Variants in B4GALNT3 observed in about 807,000 individuals in gnomAD.
The protein encoded by B4GALNT3 is beta-1,4-N-acetylgalactosaminyltransferase 3.
B4GALNT3 carries 86 observed loss-of-function variants against 120.2 expected under a neutral mutation model. That is an observed-to-expected ratio of 0.72 (90% CI 0.60 to 0.86). The LOEUF is 0.86. Among genes scored for constraint, B4GALNT3 ranks in the 40% least tolerant of loss-of-function variants. B4GALNT3 has a pLI of 0.00. For missense variants in B4GALNT3, 1,167 were observed against 1,298.9 expected, an observed-to-expected ratio of 0.90 and a Z score of 1.56; for synonymous variants, 518 against 510.4, an observed-to-expected ratio of 1.01 and a Z score of -0.20.
chr12:510,502 G>GGAGGGAGTTGGCTGGGCTGGGA (rs556557465), intron 1 of B4GALNT3, among the ~76,000 whole-genome samples: 1 of 147,364 alleles, frequency 6.8e-6, no homozygotes, highest in African/African-American at 2.5e-5. Flanking sequence ...GGAGGGAAAC[G>GGAGGGAGTTGGCTGGGCTGGGA]GGCCCTTTCA....
chr12:495,665 G>A (rs940221671), intron 1 of B4GALNT3, among the ~76,000 whole-genome samples: 9 of 152,140 alleles, frequency 5.9e-5, no homozygotes, highest in African/African-American at 2.2e-4. Context: ...TTGCCAAACT[G>A]CGTGCCTGAG....
chr12:526,519 T>G (rs1247581227), intron 1 of B4GALNT3, among the ~76,000 whole-genome samples: 1 of 152,210 alleles, frequency 6.6e-6, no homozygotes, highest in African/African-American at 2.4e-5. Context: ...CCGGCCAGTC[T>G]TAGAGGTCCC....
chr12:538,793 A>G (rs915342609), intron 3 of B4GALNT3, among the ~76,000 whole-genome samples: 1 of 152,204 alleles, frequency 6.6e-6, no homozygotes, highest in African/African-American at 2.4e-5. Context: ...ACACAGCTGC[A>G]TTATGGTGCC....
chr12:560,256 G>T (rs1401029902), intron 19 of B4GALNT3, among the ~76,000 whole-genome samples: 1 of 152,190 alleles, frequency 6.6e-6, no homozygotes, highest in Non-Finnish European at 1.5e-5. Flanking sequence ...GCAAGGTCAG[G>T]AGCACTGGGG....
At position 561,345 on chromosome 12, in the gene B4GALNT3, T is replaced by C; in HGVS notation, c.2891T>C (p.Ile964Thr). The C allele has an allele frequency of 6.2e-7, 1 of 1,611,912 alleles. No individual in the cohort carries two copies. Residue 964 changes from isoleucine to threonine, a missense_variant and splice_region_variant, in exon 20 of 20, where the codon ATA becomes ACA. Ile to Thr is a moderately conservative substitution (Grantham distance 89). Coordinates refer to ENST00000266383, the MANE Select transcript of B4GALNT3 (RefSeq NM_173593.4). ...CATCTGTGTTTCTCCTCCTCCAGGA[T>C]ACTCCAAGCGGGCCTGGACGTGGAG... ...GGEDWELLDRILQAGLDVERL... is the reference protein window; with the variant it reads ...GGEDWELLDRTLQAGLDVERL...
At chr12:495,895 G>T (rs918860466) in intron 1 of B4GALNT3, among the ~76,000 whole-genome samples, 4 of 152,146 alleles carry the variant, frequency 2.6e-5, no homozygotes, top group African/African-American at 9.7e-5. Context: ...GTTCATGAAT[G>T]ATATACATTT....
intron 3 of B4GALNT3, among the ~76,000 whole-genome samples, chr12:540,019 C>CG (rs1339487825): frequency 6.6e-6 from 1 of 152,300 alleles, no homozygotes; most frequent in East Asian, 1.9e-4. Flanking sequence ...TGTGTTCCTC[C>CG]GGGGGAGGCC....
intron 1 of B4GALNT3, among the ~76,000 whole-genome samples, chr12:490,966 G>T (rs989671797): frequency 2.0e-5 from 3 of 152,180 alleles, no homozygotes; most frequent in Admixed American, 6.5e-5. Flanking sequence ...AGGAAATTAT[G>T]CCATTTCTCT....
intron 1 of B4GALNT3, among the ~76,000 whole-genome samples, chr12:530,583 G>GTAAT (rs1216256463): frequency 1.8e-4 from 28 of 152,316 alleles, no homozygotes; most frequent in African/African-American, 6.7e-4. Flanking sequence ...TATGTTCTGG[G>GTAAT]TAATAAATCC....
At chr12:541,873 C>G (rs1486466205) in intron 3 of B4GALNT3, among the ~76,000 whole-genome samples, 2 of 138,948 alleles carry the variant, frequency 1.4e-5, no homozygotes, top group Non-Finnish European at 3.2e-5. Context: ...CCCCCGGCCT[C>G]TGGCCTCCAG....
chr12:548,916 A>C lies in B4GALNT3; in HGVS notation c.853+619A>C, dbSNP rs538602161. ...AGACGCTGCCTCAAAAGCAAAACAA[A>C]ACAACACAAAAAAACCCTCTGAGCG... On this transcript the variant is annotated intron_variant, in intron 9 of 19. Transcript: ENST00000266383. The surrounding 1 kb of genome is among the most constrained non-coding windows in gnomAD (Gnocchi z 4.9). Among the ~76,000 whole-genome samples the C allele has an allele frequency of 2.1e-5, 3 of 143,940 alleles. No individual in the cohort carries two copies. In the East Asian group the frequency reaches 6.1e-4, roughly 29 times the overall value. The allele number at this position is 143,940 out of a possible 152,430, so 94.4% of individuals were successfully genotyped here. A position where few individuals can be genotyped will look rare whatever the true frequency, so the allele number is the denominator to read the frequency against.
intron 14 of B4GALNT3, among the ~76,000 whole-genome samples, chr12:554,752 T>TGCAGTCC (rs370612554): frequency 5.0e-5 from 5 of 99,660 alleles, no homozygotes; most frequent in Non-Finnish European, 7.2e-5. Flanking sequence ...ATTGCGCCAC[T>TGCAGTCC]GCACTCCAGC....
intron 19 of B4GALNT3, 63 bp from the exon 20 acceptor site, chr12:561,280 G>A (rs1325699083): frequency 7.5e-7 from 1 of 1,327,080 alleles, no homozygotes; most frequent in Non-Finnish European, 1.1e-6. Flanking sequence ...GTGGTCGATG[G>A]GGAGGGGCCC....
intron 1 of B4GALNT3, among the ~76,000 whole-genome samples, chr12:475,073 C>T (rs554021191): frequency 9.2e-5 from 14 of 152,002 alleles, no homozygotes; most frequent in East Asian, 5.8e-4. Flanking sequence ...ATGATCTCAC[C>T]GCTGTACTCC....
At chr12:485,202 G>A (rs1312717892) in intron 1 of B4GALNT3, among the ~76,000 whole-genome samples, 2 of 152,174 alleles carry the variant, frequency 1.3e-5, no homozygotes, top group Non-Finnish European at 2.9e-5. Flanking sequence ...AAGCACGGAT[G>A]TGCCAGGGAC....
At chr12:553,121 CCT>C in intron 13 of B4GALNT3, 71 bp from the exon 14 acceptor site, 1 of 1,565,394 alleles carries the variant, frequency 6.4e-7, no homozygotes, top group Non-Finnish European at 8.7e-7. Flanking sequence ...GTATGATCAT[CCT>C]CTGTCTTGTA....
rs1001587734 is a variant in B4GALNT3 at position 553,537 on chromosome 12, G to A, written c.1614G>A (p.Val538=). ...HSDKWPPGHP[V]KNLPQMRGPR... is the part of the protein sequence containing the mutation. ...ACAAGTGGCCTCCTGGGCACCCTGT[G>A]AAGAACCTGCCTCAGATGAGGGGGC... Residue 538 remains valine (V), a synonymous_variant, in exon 14 of 20, where the codon GTG becomes GTA. Coordinates refer to ENST00000266383, the MANE Select transcript of B4GALNT3 (RefSeq NM_173593.4). 7 of 1,613,968 alleles carry A rather than the reference G, an allele frequency of 4.3e-6. No homozygotes were observed. Among genetic ancestry groups the A allele is most frequent in the African/African-American group, 1.3e-5 (1 of 75,082 alleles).
chr12:559,541 G>A (rs1947201034), intron 19 of B4GALNT3, 120 bp downstream of exon 19: 2 of 1,430,520 alleles, frequency 1.4e-6, no homozygotes, highest in South Asian at 1.3e-5. Context: ...GCACAGTAAA[G>A]AGCACTGGAC....
At chr12:561,311 C>T (rs1295669735) in intron 19 of B4GALNT3, 32 bp from the exon 20 acceptor site, 3 of 1,570,032 alleles carry the variant, frequency 1.9e-6, no homozygotes, top group Non-Finnish European at 1.8e-6. Context: ...TTCTGTGCTT[C>T]TGTTGGCTCA....
Sources: allele counts gnomAD v4.1 joint callset (sites outside exome capture counted in the v4.1 genomes callset), GRCh38; gene constraint gnomAD v4.1.1; non-coding constraint Gnocchi (gnomAD v3.1); transcripts MANE v1.5; gene names NCBI Gene and HGNC (gene_info 2026-07-23, HGNC 2026-07-21).